SLC30A6: variants seen among roughly 807,000 people sequenced by gnomAD.
SLC30A6 encodes the protein zinc transporter 6.
A neutral mutation model predicts 63.0 loss-of-function variants in SLC30A6; 55 were observed. The ratio of observed to expected loss-of-function variants is 0.87; its 90% confidence interval spans 0.70 to 1.09. SLC30A6 has a LOEUF of 1.09. SLC30A6 is among the 50% of genes least tolerant of loss of function. The pLI is 0.00. For synonymous variants in SLC30A6, 224 were observed against 186.1 expected (o/e 1.20, Z -1.66); for missense variants, 587 against 549.2 (o/e 1.07, Z -0.69).
chr2:32,174,248 T>C (rs1450048724), intron 3 of SLC30A6, 101 bp downstream of exon 3: 5 of 752,430 alleles, frequency 6.6e-6, no homozygotes, highest in Non-Finnish European at 1.0e-5. Context: ...TTCTGAAATG[T>C]ATATAACTCA....
chr2:32,178,795 C>T (rs984585924), intron 4 of SLC30A6, among the ~76,000 whole-genome samples: 1 of 152,196 alleles, frequency 6.6e-6, no homozygotes, highest in Non-Finnish European at 1.5e-5. Context: ...TACCATCAGT[C>T]TTGATTACTG....
intron 13 of SLC30A6, among the ~76,000 whole-genome samples, chr2:32,219,637 T>C (rs563008834): frequency 6.6e-6 from 1 of 152,116 alleles, no homozygotes; most frequent in Non-Finnish European, 1.5e-5. Flanking sequence ...GGTTTCACCA[T>C]GTTGGCCAGG....
chr2:32,217,606 A>G (rs538006328), intron 13 of SLC30A6, among the ~76,000 whole-genome samples: 40 of 152,184 alleles, frequency 2.6e-4, no homozygotes, highest in African/African-American at 7.2e-4. Flanking sequence ...GAAAAATGAC[A>G]TTGGTAGTTT....
chr2:32,188,946 T>C (rs1320893702), intron 5 of SLC30A6, among the ~76,000 whole-genome samples: 3 of 152,192 alleles, frequency 2.0e-5, no homozygotes, highest in Non-Finnish European at 4.4e-5. Context: ...GTATGTACTA[T>C]CTTGTTCATT....
chr2:32,202,464 G>A, intron 10 of SLC30A6: 2 of 261,308 alleles, frequency 7.7e-6, no homozygotes, highest in South Asian at 9.0e-5. Flanking sequence ...CAAGTAGCTG[G>A]GACTACAGGC....
At chr2:32,199,944 G>A (rs1437887622) in intron 10 of SLC30A6, among the ~76,000 whole-genome samples, 3 of 152,012 alleles carry the variant, frequency 2.0e-5, no homozygotes, top group East Asian at 1.9e-4. Flanking sequence ...GCAAAACCCC[G>A]TCTCTGCTAA....
chr2:32,172,353 A>G (rs992481135), intron 2 of SLC30A6, among the ~76,000 whole-genome samples: 1 of 151,850 alleles, frequency 6.6e-6, no homozygotes, highest in South Asian at 2.1e-4. Flanking sequence ...CTTAGATTCT[A>G]TGCTCCATCA....
chr2:32,207,386 T>C (rs1684864629), intron 12 of SLC30A6, among the ~76,000 whole-genome samples: 1 of 148,168 alleles, frequency 6.7e-6, no homozygotes, highest in African/African-American at 2.4e-5. Flanking sequence ...AACTTTTTCT[T>C]TTTTTTTTGA....
At position 32,184,418 on chromosome 2, in the gene SLC30A6, G is replaced by C. The variant is rs1352033375; in HGVS notation, c.284+80G>C. On this transcript the variant is annotated intron_variant, in intron 5 of 13. Transcript: ENST00000282587. The stretch of plus-strand genomic sequence containing the variant: ...ATAGTAGACGATAAAGAGCTAGCTA[G>C]AGTATTTCTGGAAAATAAATGCTGC... 2.3e-5 allele frequency: 17 copies of C among 755,094 alleles called. No homozygotes were observed. The East Asian group carries it at 5.6e-4, about 25-fold the overall frequency. 46.8% of individuals were successfully genotyped at this position (755,094 alleles called of 1,614,324 possible).
In SLC30A6 at chr2:32,193,026, G is replaced by A. The variant is rs1558398445; in HGVS notation, c.401+73G>A. 6 of 992,572 alleles carry A rather than the reference G, an allele frequency of 6.0e-6. No individual in the cohort carries two copies. The African/African-American group carries it at 6.9e-5, about 11-fold the overall frequency. 61.5% of individuals were successfully genotyped at this position (992,572 alleles called of 1,614,324 possible). ...TAATTGATGTATTATTAAACAGTTG[G>A]CCAATGTCAGATTTCAGACTGTGGC... On this transcript the variant is annotated intron_variant, in intron 7 of 13. Coordinates refer to ENST00000282587, the MANE Select transcript of SLC30A6 (RefSeq NM_017964.5).
chr2:32,170,797 C>T (rs1420915398), intron 1 of SLC30A6, among the ~76,000 whole-genome samples: 1 of 152,152 alleles, frequency 6.6e-6, no homozygotes, highest in Non-Finnish European at 1.5e-5. Context: ...CAGGGTTTTG[C>T]CATGTTGGCC....
Position 32,220,487 on chromosome 2 carries a change from T to A in SLC30A6, c.1160T>A (p.Phe387Tyr). The A allele has an allele frequency of 6.2e-7, 1 of 1,614,202 alleles. No individual in the cohort carries two copies. Among genetic ancestry groups the A allele is most frequent in the Non-Finnish European group, 8.5e-7 (1 of 1,180,036 alleles). ...PAKPSSPPPE[F>Y]SFNTPGKNVN... ...AAACCTAGTAGTCCACCTCCAGAAT[T>A]TTCATTTAACACTCCTGGGAAAAAT... The change falls in exon 14 of 14, where the codon TTT (phenylalanine) becomes TAT (tyrosine). Residue 387 changes from phenylalanine (F) to tyrosine (Y), a missense_variant. Coordinates refer to ENST00000282587, the MANE Select transcript of SLC30A6 (RefSeq NM_017964.5).
chr2:32,203,021 G>GA (rs1272370146), intron 10 of SLC30A6: 1 of 1,192,278 alleles, frequency 8.4e-7, no homozygotes, highest in Non-Finnish European at 1.3e-6. Flanking sequence ...AAATAGCCAT[G>GA]AATCCACACA....
intron 8 of SLC30A6, among the ~76,000 whole-genome samples, chr2:32,196,767 A>G (rs2148864086): frequency 6.6e-6 from 1 of 152,318 alleles, no homozygotes; most frequent in African/African-American, 2.4e-5. Context: ...TCTGCTTAAA[A>G]GTATAAAGAA....
At chr2:32,195,982 T>G (rs933664940) in intron 8 of SLC30A6, among the ~76,000 whole-genome samples, 6 of 152,128 alleles carry the variant, frequency 3.9e-5, no homozygotes, top group Non-Finnish European at 8.8e-5. Context: ...TTCAGGAGTT[T>G]GAGTTCAGCC....
At chr2:32,203,935 G>A (rs1684518045) in intron 10 of SLC30A6, 1 of 804,424 alleles carries the variant, frequency 1.2e-6, no homozygotes, top group African/African-American at 1.7e-5. Context: ...AAGTTGACAA[G>A]ATGGTAGAAG....
At chr2:32,200,844 AT>A (rs1316433408) in intron 10 of SLC30A6, among the ~76,000 whole-genome samples, 3 of 151,952 alleles carry the variant, frequency 2.0e-5, no homozygotes, top group Non-Finnish European at 4.4e-5. Context: ...GAAAAAAATA[AT>A]AATAATAATA....
chr2:32,184,319 A>G lies in SLC30A6; in HGVS notation c.265A>G (p.Ser89Gly). 1.3e-6 allele frequency: 2 copies of G among 1,515,922 alleles called. No individual in the cohort carries two copies. Among genetic ancestry groups the G allele is most frequent in the Non-Finnish European group, 1.8e-6 (2 of 1,125,002 alleles). The allele number at this position is 1,515,922 out of a possible 1,614,324, so 93.9% of individuals were successfully genotyped here. ...TTACTGGGTAACATTGAGGAAACCT[A>G]GCCCTGTCTATTCATTTGGGTAAGT... The part of the protein sequence containing the change: ...ISYWVTLRKP[S>G]PVYSFGFERL... Residue 89 changes from serine to glycine, a missense_variant, in exon 5 of 14, where the codon AGC becomes GGC. Physicochemically the swap from Ser to Gly is moderately conservative, Grantham distance 56. Coordinates refer to ENST00000282587, the MANE Select transcript of SLC30A6 (RefSeq NM_017964.5).
chr2:32,197,260 T>C, intron 8 of SLC30A6, 84 bp from the exon 9 acceptor site: 1 of 1,252,912 alleles, frequency 8.0e-7, no homozygotes, highest in Non-Finnish European at 1.1e-6. Flanking sequence ...CCAAATTTAT[T>C]TTTTAAAATT....
Sources: allele counts gnomAD v4.1 joint callset (sites outside exome capture counted in the v4.1 genomes callset), GRCh38; gene constraint gnomAD v4.1.1; transcripts MANE v1.5; gene names NCBI Gene and HGNC (gene_info 2026-07-23, HGNC 2026-07-21).